PPP3CA: variants seen among roughly 807,000 people sequenced by gnomAD.
The protein encoded by PPP3CA is CAM-PRP catalytic subunit.
A neutral mutation model predicts 66.5 loss-of-function variants in PPP3CA; 14 were observed. The ratio of observed to expected loss-of-function variants is 0.21; its 90% CI spans 0.14 to 0.33. The LOEUF (loss-of-function observed/expected upper bound fraction) is 0.33, where lower values mean the gene tolerates loss of function less well. Ranked by LOEUF, PPP3CA falls within the 10% of genes least tolerant of loss-of-function variation. The probability of loss-of-function intolerance (pLI) is 1.00; values close to 1 mark genes in which losing one functional copy is unlikely to be tolerated. For synonymous variants in PPP3CA, 232 were observed against 226.2 expected (o/e 1.03, Z -0.23); for missense variants, 317 against 639.5 (o/e 0.50, Z 5.44).
intron 2 of PPP3CA, among the ~76,000 whole-genome samples, chr4:101,131,516 A>G (rs1162471769): frequency 6.6e-6 from 1 of 152,070 alleles, no homozygotes; most frequent in Non-Finnish European, 1.5e-5. Flanking sequence ...AGGGCATTAC[A>G]TAATGGTAAA....
intron 2 of PPP3CA, among the ~76,000 whole-genome samples, chr4:101,145,357 G>A (rs564260700): frequency 1.3e-5 from 2 of 152,132 alleles, no homozygotes; most frequent in East Asian, 1.9e-4. Flanking sequence ...TTGCAGCACT[G>A]TTTACAATAG....
At chr4:101,208,356 G>A (rs1725199499) in intron 1 of PPP3CA, among the ~76,000 whole-genome samples, 1 of 152,094 alleles carries the variant, frequency 6.6e-6, no homozygotes, top group Non-Finnish European at 1.5e-5. Context: ...GGTTCCCATT[G>A]TTCTCAACAA....
chr4:101,209,700 A>T (rs1171063644), intron 1 of PPP3CA, among the ~76,000 whole-genome samples: 2 of 152,220 alleles, frequency 1.3e-5, no homozygotes, highest in Non-Finnish European at 2.9e-5. Context: ...TAGCCTATGT[A>T]CTGGCCACAA....
At chr4:101,114,907 G>T (rs988539586) in intron 2 of PPP3CA, among the ~76,000 whole-genome samples, 6 of 152,098 alleles carry the variant, frequency 3.9e-5, no homozygotes, top group African/African-American at 1.4e-4. Flanking sequence ...CTGTTGGAAA[G>T]CTATAAAGCT....
At chr4:101,058,164 A>C (rs113526869) in intron 10 of PPP3CA, among the ~76,000 whole-genome samples, 2,330 of 152,276 alleles carry the variant, frequency 0.015, 59 homozygotes, top group African/African-American at 0.052. Context: ...CAATAATCTT[A>C]TCTCTTTCTG....
intron 1 of PPP3CA, among the ~76,000 whole-genome samples, chr4:101,258,357 A>G (rs575804262): frequency 6.6e-6 from 1 of 152,206 alleles, no homozygotes; most frequent in South Asian, 2.1e-4. Flanking sequence ...ATGAACCACT[A>G]GCAAGCAAAA....
intron 1 of PPP3CA, among the ~76,000 whole-genome samples, chr4:101,255,035 C>CAAAAA (rs1163406764): frequency 4.5e-4 from 20 of 44,702 alleles, no homozygotes; most frequent in African/African-American, 6.2e-4. Context: ...AGTCCCGTCT[C>CAAAAA]AAAAAAAAAA....
chr4:101,173,365 G>A (rs1029078982), intron 2 of PPP3CA, among the ~76,000 whole-genome samples: 1 of 151,452 alleles, frequency 6.6e-6, no homozygotes, highest in Non-Finnish European at 1.5e-5. Context: ...TTCACAATTT[G>A]AGTGCTAAGG....
chr4:101,060,359 C>T (rs567793670), intron 10 of PPP3CA, among the ~76,000 whole-genome samples: 5 of 152,154 alleles, frequency 3.3e-5, no homozygotes, highest in East Asian at 1.9e-4. Context: ...CCACTGCACC[C>T]GGCCTCAACT....
At chr4:101,055,914 A>G (rs1257591045) in intron 10 of PPP3CA, among the ~76,000 whole-genome samples, 1 of 151,924 alleles carries the variant, frequency 6.6e-6, no homozygotes, top group African/African-American at 2.4e-5. Flanking sequence ...AACAAATTAA[A>G]GCATATTATA....
At chr4:101,198,786 C>T (rs917644261) in intron 1 of PPP3CA, among the ~76,000 whole-genome samples, 2 of 152,140 alleles carry the variant, frequency 1.3e-5, no homozygotes, top group Non-Finnish European at 2.9e-5. Flanking sequence ...GATGCTCCAC[C>T]CTCCACTGCA....
At chr4:101,289,276 T>A (rs144221024) in intron 1 of PPP3CA, among the ~76,000 whole-genome samples, 1,816 of 152,328 alleles carry the variant, frequency 0.012, 31 homozygotes, top group African/African-American at 0.042. Context: ...TTGCTTATAG[T>A]TTTGTATTCT....
rs72921889 is a variant in PPP3CA, at chr4:101,304,216, T to C, written c.58+42523A>G. Among the ~76,000 whole-genome samples, 609 of 152,322 alleles carry C rather than the reference T, an allele frequency of 4.0e-3. 5 individuals carry two copies. The highest frequency in any genetic ancestry group is 0.014 in the African/African-American group (576 of 41,582). On this transcript the variant is annotated intron_variant, in intron 1 of 13. Coordinates refer to ENST00000394854, the MANE Select transcript of PPP3CA (RefSeq NM_000944.5). ...TCTTATGTTTTTTCCTAATACTTTT[T>C]ATTTAAATTGTTTTTTGATTCTATT... is the stretch of plus-strand genomic sequence containing the variant.
intron 2 of PPP3CA, among the ~76,000 whole-genome samples, chr4:101,195,250 A>G (rs1037018908): frequency 6.8e-6 from 1 of 147,288 alleles, no homozygotes; most frequent in African/African-American, 2.5e-5. Flanking sequence ...CCTGGTGACA[A>G]GAGTGAAACT....
chr4:101,156,871 A>C (rs1181167953), intron 2 of PPP3CA, among the ~76,000 whole-genome samples: 2 of 152,222 alleles, frequency 1.3e-5, no homozygotes, highest in African/African-American at 4.8e-5. Context: ...GTTTTTAAAC[A>C]GGAAATGAGG....
chr4:101,345,789 T>C (rs2110346444), intron 1 of PPP3CA, among the ~76,000 whole-genome samples: 1 of 152,154 alleles, frequency 6.6e-6, no homozygotes, highest in East Asian at 1.9e-4. Context: ...GCCAGGAGTT[T>C]ATCATCCCGT....
chr4:101,094,932 C>T (rs1730126053), intron 5 of PPP3CA, among the ~76,000 whole-genome samples: 1 of 151,288 alleles, frequency 6.6e-6, no homozygotes, highest in Admixed American at 6.6e-5. Flanking sequence ...TTTAAAAATC[C>T]AATGAAGACA....
chr4:101,125,196 A>G (rs1381399623), intron 2 of PPP3CA, among the ~76,000 whole-genome samples: 1 of 152,232 alleles, frequency 6.6e-6, no homozygotes, highest in Non-Finnish European at 1.5e-5. Context: ...CACGAACATT[A>G]CTAAACATAT....
At chr4:101,162,412 T>A (rs916286797) in intron 2 of PPP3CA, among the ~76,000 whole-genome samples, 16 of 151,644 alleles carry the variant, frequency 1.1e-4, no homozygotes, top group African/African-American at 3.9e-4. Flanking sequence ...GTGCTGGTAA[T>A]CCCAGCTATT....
Sources: gnomAD v4.1 joint callset for allele counts (sites outside exome capture counted in the v4.1 genomes callset) on GRCh38, gnomAD v4.1.1 for gene constraint, MANE v1.5 for transcripts, NCBI Gene and HGNC (gene_info 2026-07-23, HGNC 2026-07-21) for gene names.